The following GTF2B variants were observed in gnomAD, a reference collection of about 807,000 sequenced individuals.
GTF2B encodes the protein transcription initiation factor IIB.
GTF2B carries 20 observed loss-of-function variants against 34.6 expected under a neutral mutation model. The ratio of observed to expected loss-of-function variants is 0.58; its 90% CI spans 0.41 to 0.84. The LOEUF (loss-of-function observed/expected upper bound fraction) is 0.84, where lower values mean the gene tolerates loss of function less well. GTF2B is among the 40% of genes least tolerant of loss of function. The probability of loss-of-function intolerance (pLI) is 0.00; values close to 1 mark genes in which losing one functional copy is unlikely to be tolerated. For missense variants in GTF2B, 237 were observed against 393.3 expected (o/e 0.60, Z 3.36); for synonymous variants, 142 against 132.4 (o/e 1.07, Z -0.50).
In GTF2B at chr1:88,859,869, G is replaced by C; in HGVS notation, c.535+13C>G. 6.2e-7 allele frequency: 1 copy of C among 1,608,090 alleles called. No individual in the cohort carries two copies. Among genetic ancestry groups the C allele is most frequent in the African/African-American group, 1.3e-5 (1 of 74,650 alleles). ...AAACAAACAAACACAAAAAAACAAA[G>C]CTAAAAACTTACCTTTAAATGTCCT... On this transcript the variant is annotated intron_variant, in intron 5 of 6. Transcript: ENST00000370500.
rs538365531 is a variant in GTF2B at position 88,880,916 on chromosome 1, T to A, written c.124+6345A>T. Among the ~76,000 whole-genome samples, 1,049 of 148,658 alleles carry A rather than the reference T, an allele frequency of 7.1e-3. 8 individuals carry two copies. Among genetic ancestry groups the A allele is most frequent in the South Asian group, 0.012 (59 of 4,754 alleles). ...CCCAGCTACTCGAGTGGCTGAGGCATGAGAATCACTTGAACCTGGGAGGTG... is the reference window on the plus strand; with the variant it reads ...CCCAGCTACTCGAGTGGCTGAGGCAAGAGAATCACTTGAACCTGGGAGGTG... On this transcript the variant is annotated intron_variant, in intron 2 of 6. Transcript: ENST00000370500.
At chr1:88,863,460 C>T (rs573231527) in intron 3 of GTF2B, among the ~76,000 whole-genome samples, 4 of 152,264 alleles carry the variant, frequency 2.6e-5, no homozygotes, top group Non-Finnish European at 5.9e-5. Flanking sequence ...TCTTCTGCCT[C>T]AGCCTCGCGA....
chr1:88,868,480 G>A (rs1297450751), intron 2 of GTF2B, among the ~76,000 whole-genome samples: 2 of 151,802 alleles, frequency 1.3e-5, no homozygotes, highest in South Asian at 2.1e-4. Context: ...AAGAGTAAAC[G>A]CACCCAATAT....
intron 2 of GTF2B, 145 bp from the exon 3 acceptor site, chr1:88,864,259 A>G: frequency 3.0e-6 from 2 of 668,114 alleles, no homozygotes; most frequent in South Asian, 3.7e-5. Context: ...CATTTCAGAC[A>G]TTTGTCCTAA....
intron 2 of GTF2B, among the ~76,000 whole-genome samples, chr1:88,878,113 T>C (rs184451147): frequency 2.6e-5 from 4 of 151,958 alleles, no homozygotes; most frequent in Admixed American, 2.6e-4. Context: ...TACAAAAAAA[T>C]ACAAAAATTA....
chr1:88,885,282 T>C (rs1335094524), intron 2 of GTF2B, among the ~76,000 whole-genome samples: 2 of 139,682 alleles, frequency 1.4e-5, no homozygotes, highest in African/African-American at 6.0e-5. Flanking sequence ...CTACTAAAAA[T>C]ACAACAAGTT....
intron 2 of GTF2B, among the ~76,000 whole-genome samples, chr1:88,886,787 T>A (rs1229280336): frequency 2.0e-5 from 3 of 148,338 alleles, no homozygotes; most frequent in African/African-American, 7.4e-5. Context: ...TATCTCTGAA[T>A]AAGTTTACTC....
chr1:88,889,450 C>T (rs1557663530), intron 1 of GTF2B, among the ~76,000 whole-genome samples: 1 of 152,232 alleles, frequency 6.6e-6, no homozygotes, highest in Non-Finnish European at 1.5e-5. Flanking sequence ...TAATCCCAAA[C>T]CCCATTTTAT....
intron 2 of GTF2B, among the ~76,000 whole-genome samples, chr1:88,869,845 G>A (rs1384303539): frequency 2.0e-5 from 3 of 151,550 alleles, no homozygotes; most frequent in Admixed American, 6.6e-5. Flanking sequence ...GGCTCATGTC[G>A]AATTCCCGAC....
At chr1:88,877,117 G>A (rs765032486) in intron 2 of GTF2B, among the ~76,000 whole-genome samples, 1 of 152,186 alleles carries the variant, frequency 6.6e-6, no homozygotes, top group Non-Finnish European at 1.5e-5. Flanking sequence ...GAATTTCTGG[G>A]AATGGAGCCT....
Position 88,871,931 on chromosome 1 carries a change from C to A in GTF2B, c.125-7817G>T, listed in dbSNP as rs927152842. Reference sequence around the variant, plus strand: ...TATTTTTAGTAGAGACAGGGTTTCACCACGTTGGCCAGGCTGGTCTCGAAC... The same window carrying A: ...TATTTTTAGTAGAGACAGGGTTTCAACACGTTGGCCAGGCTGGTCTCGAAC... On this transcript the variant is annotated intron_variant, in intron 2 of 6. Transcript: ENST00000370500. Among the ~76,000 whole-genome samples the A allele has an allele frequency of 2.0e-5, 3 of 151,938 alleles. No individual in the cohort carries two copies. The South Asian group carries it at 6.3e-4, about 32-fold the overall frequency.
At chr1:88,884,097 G>A (rs1463318180) in intron 2 of GTF2B, among the ~76,000 whole-genome samples, 2 of 146,204 alleles carry the variant, frequency 1.4e-5, no homozygotes, top group South Asian at 2.1e-4. Context: ...GTGCAATCTC[G>A]GCTCACTGCA....
rs900495927 is a variant in GTF2B at position 88,891,413 on chromosome 1, G to A, written c.17+70C>T. On this transcript the variant is annotated intron_variant, in intron 1 of 6. Coordinates refer to ENST00000370500, the MANE Select transcript of GTF2B (RefSeq NM_001514.6). ...GCGCTCAGCCCTACGAGGCTGCCCG[G>A]AGGCCGCCTAAAAGCCGGCGGCGCT... is the stretch of plus-strand genomic sequence containing the variant. 8.7e-6 allele frequency: 11 copies of A among 1,266,914 alleles called. No individual in the cohort carries two copies. The Admixed American group carries it at 2.1e-4, about 25-fold the overall frequency. The allele number at this position is 1,266,914 out of a possible 1,614,324, so 78.5% of individuals were successfully genotyped here.
Position 88,853,207 on chromosome 1 carries a change from C to T in GTF2B, c.*6G>A, listed in dbSNP as rs756731025. On this transcript the variant is annotated 3_prime_UTR_variant, in exon 7 of 7. Coordinates refer to ENST00000370500, the MANE Select transcript of GTF2B (RefSeq NM_001514.6). The stretch of plus-strand genomic sequence containing the variant: ...TATTCAAGAATTTGACGTTAGCTGC[C>T]TCAATTTATAGCTGTGGTAGTTTGT... 1.1e-5 allele frequency: 18 copies of T among 1,613,566 alleles called. No individual in the cohort carries two copies. The highest frequency in any genetic ancestry group is 1.7e-5 in the Admixed American group (1 of 60,018).
chr1:88,877,438 G>A (rs1222650797), intron 2 of GTF2B, among the ~76,000 whole-genome samples: 7 of 152,276 alleles, frequency 4.6e-5, no homozygotes, highest in Middle Eastern at 3.4e-3. Flanking sequence ...CCAATTTTAT[G>A]TTTTAATAGC....
intron 6 of GTF2B, among the ~76,000 whole-genome samples, chr1:88,853,619 A>G (rs1254099074): frequency 1.3e-5 from 2 of 152,166 alleles, no homozygotes; most frequent in African/African-American, 4.8e-5. Flanking sequence ...CCTGGCCAAC[A>G]TGGTGAAACC....
chr1:88,881,867 C>A (rs892394881), intron 2 of GTF2B, among the ~76,000 whole-genome samples: 1 of 151,952 alleles, frequency 6.6e-6, no homozygotes, highest in Non-Finnish European at 1.5e-5. Context: ...AAAGTACAAG[C>A]AAAAATTAGG....
intron 6 of GTF2B, among the ~76,000 whole-genome samples, chr1:88,854,652 T>C (rs1163590405): frequency 6.6e-6 from 1 of 152,084 alleles, no homozygotes; most frequent in African/African-American, 2.4e-5. Flanking sequence ...CCTGCCACCA[T>C]GCCCAGCTAA....
At chr1:88,871,465 A>C (rs1673692173) in intron 2 of GTF2B, among the ~76,000 whole-genome samples, 1 of 152,122 alleles carries the variant, frequency 6.6e-6, no homozygotes, top group South Asian at 2.1e-4. Flanking sequence ...GGGGGAAGGG[A>C]AATGTGGGAA....
Sources: allele counts gnomAD v4.1 joint callset (sites outside exome capture counted in the v4.1 genomes callset), GRCh38; gene constraint gnomAD v4.1.1; transcripts MANE v1.5; gene names NCBI Gene and HGNC (gene_info 2026-07-23, HGNC 2026-07-21).